The following CNTNAP2 variants were observed in gnomAD, a reference collection of about 807,000 sequenced individuals.
CNTNAP2 encodes contactin-associated protein-like 2.
Under a neutral mutation model 155.2 loss-of-function variants are expected in CNTNAP2, and 98 were observed. The ratio of observed to expected loss-of-function variants is 0.63; its 90% confidence interval spans 0.54 to 0.75. The LOEUF is 0.75. Ranked by LOEUF, CNTNAP2 falls within the 30% of genes least tolerant of loss-of-function variation. The pLI, the probability that CNTNAP2 is intolerant of heterozygous loss-of-function variation, is 0.00. For missense variants in CNTNAP2, 1,727 were observed against 1,688.1 expected (o/e 1.02, Z -0.40); for synonymous variants, 651 against 631.2 (o/e 1.03, Z -0.47).
chr7:146,561,965 A>G (rs904766524), intron 1 of CNTNAP2, among the ~76,000 whole-genome samples: 1 of 151,648 alleles, frequency 6.6e-6, no homozygotes, highest in East Asian at 1.9e-4. Context: ...TATTTTTTAT[A>G]TTTTTTTAGA....
chr7:147,747,034 G>T (rs1797055685), intron 13 of CNTNAP2, among the ~76,000 whole-genome samples: 1 of 152,080 alleles, frequency 6.6e-6, no homozygotes, highest in African/African-American at 2.4e-5. Context: ...TACAAGAAAG[G>T]GTCACATTTG....
intron 10 of CNTNAP2, among the ~76,000 whole-genome samples, chr7:147,434,910 G>A (rs1797526617): frequency 6.6e-6 from 1 of 152,186 alleles, no homozygotes; most frequent in South Asian, 2.1e-4. Context: ...CAACTCTCAT[G>A]CCACACATCA....
intron 9 of CNTNAP2, among the ~76,000 whole-genome samples, chr7:147,395,125 A>T (rs539511583): frequency 6.6e-6 from 1 of 152,132 alleles, no homozygotes; most frequent in East Asian, 1.9e-4. Context: ...ACTTTATTTC[A>T]TAATAGTAAG....
At chr7:146,350,753 A>T (rs1438388139) in intron 1 of CNTNAP2, among the ~76,000 whole-genome samples, 1 of 151,992 alleles carries the variant, frequency 6.6e-6, no homozygotes, top group Non-Finnish European at 1.5e-5. Flanking sequence ...GGCACTATTC[A>T]CAATAGCAAA....
intron 1 of CNTNAP2, among the ~76,000 whole-genome samples, chr7:146,473,154 T>A (rs542334650): frequency 1.1e-3 from 165 of 152,060 alleles, no homozygotes; most frequent in African/African-American, 3.8e-3. Flanking sequence ...GTCTACAGGC[T>A]CTGTGGGGAA....
intron 21 of CNTNAP2, among the ~76,000 whole-genome samples, chr7:148,375,810 T>G (rs1798974716): frequency 2.6e-5 from 1 of 38,436 alleles, no homozygotes; most frequent in African/African-American, 5.6e-5. Context: ...CTGGCCAAGA[T>G]GGTGAAACCC....
chr7:146,996,123 G>A (rs1223308726), intron 3 of CNTNAP2, among the ~76,000 whole-genome samples: 2 of 151,844 alleles, frequency 1.3e-5, no homozygotes, highest in Non-Finnish European at 2.9e-5. Context: ...CTCTGCATAT[G>A]TATATCCAAT....
intron 9 of CNTNAP2, among the ~76,000 whole-genome samples, chr7:147,310,875 C>G (rs558902953): frequency 1.2e-4 from 19 of 152,034 alleles, no homozygotes; most frequent in Non-Finnish European, 2.5e-4. Context: ...GAAGGACAAG[C>G]GGGAATTTAT....
chr7:147,502,193 T>A (rs1056549066), intron 11 of CNTNAP2, among the ~76,000 whole-genome samples: 4 of 152,048 alleles, frequency 2.6e-5, no homozygotes, highest in Non-Finnish European at 5.9e-5. Context: ...AAATTTCCAA[T>A]CAGATGTTTT....
At chr7:146,822,603 A>C (rs1327764818) in intron 2 of CNTNAP2, among the ~76,000 whole-genome samples, 1 of 150,500 alleles carries the variant, frequency 6.6e-6, no homozygotes, top group African/African-American at 2.4e-5. Flanking sequence ...TTTGTGAATT[A>C]GATGGTTAAC....
intron 4 of CNTNAP2, among the ~76,000 whole-genome samples, chr7:147,046,805 G>A (rs371230983): frequency 1.8e-3 from 279 of 152,018 alleles, no homozygotes; most frequent in Admixed American, 5.5e-3. Context: ...CAAGGAGGGC[G>A]GATCACGAGG....
intron 1 of CNTNAP2, among the ~76,000 whole-genome samples, chr7:146,630,204 A>C (rs966533636): frequency 6.6e-6 from 1 of 151,506 alleles, no homozygotes; most frequent in Non-Finnish European, 1.5e-5. Context: ...TCATTGTTCA[A>C]CTCCCACTAA....
chr7:147,324,039 GA>G (rs149474351), intron 9 of CNTNAP2, among the ~76,000 whole-genome samples: 5 of 148,190 alleles, frequency 3.4e-5, no homozygotes, highest in African/African-American at 7.4e-5. Flanking sequence ...GAACTATTAG[GA>G]AAAAAAAAAG....
intron 20 of CNTNAP2, among the ~76,000 whole-genome samples, chr7:148,246,472 A>G (rs527764612): frequency 6.6e-6 from 1 of 152,346 alleles, no homozygotes; most frequent in African/African-American, 2.4e-5. Flanking sequence ...TCATTTAAAT[A>G]CTGAAGCTGG....
At chr7:147,622,245 C>CAAAAAAACAT (rs1554412949) in intron 12 of CNTNAP2, among the ~76,000 whole-genome samples, 1 of 151,742 alleles carries the variant, frequency 6.6e-6, no homozygotes, top group Non-Finnish European at 1.5e-5. Flanking sequence ...AGGTAATAAA[C>CAAAAAAACAT]AAAAAAACAT....
At chr7:146,146,555 T>C (rs1250322428) in intron 1 of CNTNAP2, among the ~76,000 whole-genome samples, 2 of 152,192 alleles carry the variant, frequency 1.3e-5, no homozygotes, top group Non-Finnish European at 2.9e-5. Context: ...TTCTCTTTAA[T>C]GGATGGCTCT....
At chr7:147,911,638 A>G (rs1022838835) in intron 14 of CNTNAP2, among the ~76,000 whole-genome samples, 3 of 152,170 alleles carry the variant, frequency 2.0e-5, no homozygotes, top group African/African-American at 7.2e-5. Flanking sequence ...TCACACCACC[A>G]TCGTTCTATT....
At chr7:147,272,664 A>ATTTTTTTTTTTTTTTTTTTT (rs71182188) in intron 8 of CNTNAP2, among the ~76,000 whole-genome samples, 9 of 138,968 alleles carry the variant, frequency 6.5e-5, no homozygotes, top group Non-Finnish European at 1.3e-4. Flanking sequence ...CGCCCGGCTA[A>ATTTTTTTTTTTTTTTTTTTT]TTTTTTTTTT....
intron 3 of CNTNAP2, among the ~76,000 whole-genome samples, chr7:147,011,923 C>T (rs1474367803): frequency 6.6e-6 from 1 of 152,164 alleles, no homozygotes; most frequent in African/African-American, 2.4e-5. Context: ...GTTTCCCCAC[C>T]TGGGTCTACT....
Sources: allele counts gnomAD v4.1 joint callset (sites outside exome capture counted in the v4.1 genomes callset), GRCh38; gene constraint gnomAD v4.1.1; transcripts MANE v1.5; gene names NCBI Gene and HGNC (gene_info 2026-07-23, HGNC 2026-07-21).